Variants in ARHGAP24 observed in about 807,000 individuals in gnomAD.
ARHGAP24 encodes the protein rho GTPase-activating protein 24.
In ARHGAP24, 50 loss-of-function variants were observed where a neutral mutation model predicts 76.4. The ratio of observed to expected loss-of-function variants is 0.65; its 90% CI spans 0.52 to 0.83. The LOEUF (loss-of-function observed/expected upper bound fraction) is 0.83, where lower values mean the gene tolerates loss of function less well. ARHGAP24 is among the 40% of genes least tolerant of loss of function. The pLI is 0.00. For missense variants in ARHGAP24, 930 were observed against 914.2 expected (o/e 1.02, Z -0.22); for synonymous variants, 345 against 323.3 (o/e 1.07, Z -0.72).
chr4:85,747,969 T>C (rs930703003), intron 3 of ARHGAP24, among the ~76,000 whole-genome samples: 5 of 152,202 alleles, frequency 3.3e-5, no homozygotes, highest in African/African-American at 1.2e-4. Flanking sequence ...TAAAACCAAT[T>C]AGACTTTTAA....
intron 1 of ARHGAP24, among the ~76,000 whole-genome samples, chr4:85,564,328 G>C (rs979646361): frequency 6.6e-6 from 1 of 151,294 alleles, no homozygotes; most frequent in South Asian, 2.1e-4. Context: ...TCGCTCATAG[G>C]TGGGAATTGA....
chr4:85,953,397 C>T (rs1175729257), intron 5 of ARHGAP24, among the ~76,000 whole-genome samples: 1 of 152,074 alleles, frequency 6.6e-6, no homozygotes, highest in East Asian at 1.9e-4. Context: ...AAAAGCCAGA[C>T]ATATTTTAAT....
chr4:85,514,877 A>C (rs1158648212), intron 1 of ARHGAP24, among the ~76,000 whole-genome samples: 1 of 146,502 alleles, frequency 6.8e-6, no homozygotes, highest in African/African-American at 2.5e-5. Flanking sequence ...GAAGCTCCCA[A>C]GAGCAGACCC....
chr4:85,801,675 A>G (rs1728583465), intron 3 of ARHGAP24, among the ~76,000 whole-genome samples: 1 of 152,248 alleles, frequency 6.6e-6, no homozygotes, highest in South Asian at 2.1e-4. Flanking sequence ...TTCCCTGTAG[A>G]TCAAACCATG....
intron 3 of ARHGAP24, among the ~76,000 whole-genome samples, chr4:85,852,596 C>A (rs1217935579): frequency 6.6e-6 from 1 of 152,104 alleles, no homozygotes; most frequent in Non-Finnish European, 1.5e-5. Flanking sequence ...TTTTATCTAC[C>A]TTTGGTCTTT....
intron 3 of ARHGAP24, among the ~76,000 whole-genome samples, chr4:85,802,576 G>A (rs113818408): frequency 0.029 from 4,416 of 152,326 alleles, 223 homozygotes; most frequent in African/African-American, 0.1. Context: ...TGGATCACCC[G>A]AGGTCGGGAG....
intron 3 of ARHGAP24, among the ~76,000 whole-genome samples, chr4:85,768,068 A>T (rs1726994614): frequency 6.6e-6 from 1 of 152,236 alleles, no homozygotes; most frequent in African/African-American, 2.4e-5. Context: ...TAGACTGTTT[A>T]TATGCGGCTG....
intron 5 of ARHGAP24, among the ~76,000 whole-genome samples, chr4:85,963,242 T>G (rs1226424302): frequency 1.3e-5 from 2 of 152,088 alleles, no homozygotes; most frequent in Non-Finnish European, 2.9e-5. Flanking sequence ...ATGGGTTTTT[T>G]TGTAAGTTTG....
At chr4:86,000,354 A>G (rs1740937355) in intron 9 of ARHGAP24, 125 bp from the exon 10 acceptor site, 3 of 797,662 alleles carry the variant, frequency 3.8e-6, no homozygotes, top group East Asian at 5.2e-5. Flanking sequence ...GCTTTATTCC[A>G]ATTTCCTAAG....
intron 1 of ARHGAP24, among the ~76,000 whole-genome samples, chr4:85,483,987 A>G (rs941619263): frequency 6.6e-6 from 1 of 152,236 alleles, no homozygotes; most frequent in Admixed American, 6.5e-5. Flanking sequence ...CTTAACATAT[A>G]TCTAAATACT....
chr4:85,669,261 T>C (rs1722740343), intron 2 of ARHGAP24, among the ~76,000 whole-genome samples: 2 of 152,118 alleles, frequency 1.3e-5, no homozygotes, highest in Admixed American at 6.5e-5. Context: ...CATGATGTTA[T>C]GTAATTGAGG....
In ARHGAP24 at chr4:85,995,283, C is replaced by A. The variant is rs960876779; in HGVS notation, c.1629C>A (p.Asn543Lys). 4.0e-5 allele frequency: 64 copies of A among 1,613,828 alleles called. No individual in the cohort carries two copies. The highest frequency in any genetic ancestry group is 5.2e-5 in the Non-Finnish European group (61 of 1,180,008). The change falls in exon 9 of 10, where the codon AAC becomes AAA. Residue 543 changes from asparagine to lysine, a missense_variant. Physicochemically the swap from Asn to Lys is moderately conservative, Grantham distance 94. Transcript: ENST00000395184. The part of the protein sequence containing the change: ...DNVHQQFSMM[N>K]LDDKQSIDSA... The stretch of plus-strand genomic sequence containing the variant: ...TCCATCAACAGTTCTCCATGATGAA[C>A]CTTGATGACAAGCAGAGCATTGACA...
intron 1 of ARHGAP24, among the ~76,000 whole-genome samples, chr4:85,511,567 AT>A (rs1203592045): frequency 7.2e-5 from 11 of 152,020 alleles, no homozygotes; most frequent in Middle Eastern, 6.8e-3. Context: ...GGTTCAAACA[AT>A]TTTCCTGCCT....
intron 3 of ARHGAP24, among the ~76,000 whole-genome samples, chr4:85,783,186 C>A (rs7670874): frequency 0.65 from 98,310 of 151,862 alleles, 32,920 homozygotes; most frequent in East Asian, 0.88. Context: ...TCTATAACCC[C>A]CCTCCTTTTC....
At chr4:85,837,544 G>A (rs1045658905) in intron 3 of ARHGAP24, among the ~76,000 whole-genome samples, 2 of 152,022 alleles carry the variant, frequency 1.3e-5, no homozygotes, top group Non-Finnish European at 2.9e-5. Flanking sequence ...AACAAGCAGC[G>A]GAATTAAACT....
intron 3 of ARHGAP24, among the ~76,000 whole-genome samples, chr4:85,757,575 C>T (rs1294668963): frequency 1.3e-5 from 2 of 152,110 alleles, no homozygotes; most frequent in Admixed American, 1.3e-4. Flanking sequence ...CATAGTATTC[C>T]ATGGTGTATA....
chr4:85,616,600 GTCTC>G (rs1424470878), intron 2 of ARHGAP24, among the ~76,000 whole-genome samples: 1 of 152,022 alleles, frequency 6.6e-6, no homozygotes, highest in African/African-American at 2.4e-5. Flanking sequence ...GTTTTACAAA[GTCTC>G]TCTCCTTTGC....
At chr4:85,984,607 A>G (rs925996644) in intron 8 of ARHGAP24, among the ~76,000 whole-genome samples, 1 of 152,186 alleles carries the variant, frequency 6.6e-6, no homozygotes, top group Non-Finnish European at 1.5e-5. Flanking sequence ...TTCAGTCTTT[A>G]GCAGAAAGAA....
intron 5 of ARHGAP24, among the ~76,000 whole-genome samples, chr4:85,960,435 C>T (rs890558802): frequency 1.3e-5 from 2 of 152,068 alleles, no homozygotes; most frequent in African/African-American, 2.4e-5. Flanking sequence ...TGTGGATATT[C>T]ATTGAAAACT....
Sources: allele counts gnomAD v4.1 joint callset (sites outside exome capture counted in the v4.1 genomes callset), GRCh38; gene constraint gnomAD v4.1.1; transcripts MANE v1.5; gene names NCBI Gene and HGNC (gene_info 2026-07-23, HGNC 2026-07-21).